Variants in CCDC102B observed in about 807,000 individuals in gnomAD.
CCDC102B encodes coiled-coil domain-containing protein 102B.
CCDC102B carries 75 observed loss-of-function variants against 57.4 expected under a neutral mutation model. That is an observed-to-expected ratio of 1.31 (90% confidence interval 1.08 to 1.58). The LOEUF is 1.58. CCDC102B is among the 40% of genes most tolerant of loss of function. CCDC102B has a pLI of 0.00. For synonymous variants in CCDC102B, 206 were observed against 201.9 expected (o/e 1.02, Z -0.17); for missense variants, 636 against 582.6 (o/e 1.09, Z -0.94).
At chr18:68,942,070 G>C (rs1028742272) in intron 6 of CCDC102B, among the ~76,000 whole-genome samples, 2 of 152,022 alleles carry the variant, frequency 1.3e-5, no homozygotes, top group African/African-American at 4.8e-5. Context: ...AGTCATAATG[G>C]AATAAATTTT....
At chr18:68,975,445 A>G (rs1249646540) in intron 6 of CCDC102B, among the ~76,000 whole-genome samples, 1 of 152,088 alleles carries the variant, frequency 6.6e-6, no homozygotes, top group African/African-American at 2.4e-5. Flanking sequence ...TACAAGCTAT[A>G]AAAATGTTTG....
chr18:69,038,035 C>A (rs1252673361), intron 7 of CCDC102B, among the ~76,000 whole-genome samples: 2 of 151,918 alleles, frequency 1.3e-5, no homozygotes, highest in African/African-American at 2.4e-5. Flanking sequence ...TATAAAATAT[C>A]AGAATGTTTA....
At chr18:68,957,968 G>A (rs1387812505) in intron 6 of CCDC102B, among the ~76,000 whole-genome samples, 1 of 152,078 alleles carries the variant, frequency 6.6e-6, no homozygotes, top group East Asian at 1.9e-4. Flanking sequence ...CCCAAGATGG[G>A]GCAATTTACA....
intron 5 of CCDC102B, among the ~76,000 whole-genome samples, chr18:68,884,194 T>A (rs995585911): frequency 1.3e-5 from 2 of 152,136 alleles, no homozygotes; most frequent in Non-Finnish European, 2.9e-5. Flanking sequence ...AAACACCACC[T>A]TGTTAAGATA....
At chr18:68,723,370 C>T (rs1016848146) in intron 2 of CCDC102B, among the ~76,000 whole-genome samples, 1 of 152,130 alleles carries the variant, frequency 6.6e-6, no homozygotes, top group Non-Finnish European at 1.5e-5. Context: ...CATGCCTTTC[C>T]CACAGCCCCC....
At chr18:68,873,248 C>T (rs1014258705) in intron 4 of CCDC102B, among the ~76,000 whole-genome samples, 1 of 152,092 alleles carries the variant, frequency 6.6e-6, no homozygotes, top group Non-Finnish European at 1.5e-5. Flanking sequence ...TCCTTGCCTT[C>T]TGTGTGCTCT....
At chr18:68,808,468 CTTTTTTTTTTT>C (rs1157601164) in intron 1 of CCDC102B, among the ~76,000 whole-genome samples, 3 of 91,786 alleles carry the variant, frequency 3.3e-5, no homozygotes, top group African/African-American at 1.3e-4. Context: ...GCTTTTACTA[CTTTTTTTTTTT>C]TTTTTTTTTT....
intron 2 of CCDC102B, among the ~76,000 whole-genome samples, chr18:68,782,291 C>A (rs1353796059): frequency 6.6e-6 from 1 of 151,982 alleles, no homozygotes; most frequent in East Asian, 1.9e-4. Context: ...AACCTATACA[C>A]CTCTTTGTCC....
intron 2 of CCDC102B, among the ~76,000 whole-genome samples, chr18:68,746,851 C>A (rs919927663): frequency 6.6e-6 from 1 of 151,760 alleles, no homozygotes; most frequent in Non-Finnish European, 1.5e-5. Context: ...AATATCATTA[C>A]CACGATCAAG....
intron 5 of CCDC102B, among the ~76,000 whole-genome samples, chr18:68,894,967 C>A (rs954601776): frequency 2.0e-5 from 3 of 151,854 alleles, no homozygotes; most frequent in Non-Finnish European, 4.4e-5. Context: ...TGCAAGTTCA[C>A]AAAGACTTGA....
rs369175771 is a variant in CCDC102B, at chr18:68,826,604, G to A, written c.-15-10145G>A. 2.9e-3 allele frequency among the ~76,000 whole-genome samples: 440 copies of A among 152,166 alleles called. 2 individuals are homozygous for A. Among genetic ancestry groups the A allele is most frequent in the Middle Eastern group, 6.8e-3 (2 of 294 alleles). On this transcript the variant is annotated intron_variant, in intron 1 of 7. Transcript: ENST00000360242. ...AGACAAGGCTGTGAATACCAAAAGA[G>A]GGGATAAGTGAGGGACATTTTAGAA... is the stretch of plus-strand genomic sequence containing the variant.
At chr18:69,023,558 G>A (rs2051905519) in intron 7 of CCDC102B, among the ~76,000 whole-genome samples, 1 of 151,450 alleles carries the variant, frequency 6.6e-6, no homozygotes, top group Non-Finnish European at 1.5e-5. Context: ...ATTTATTAAT[G>A]TGAATAATAA....
intron 6 of CCDC102B, among the ~76,000 whole-genome samples, chr18:68,995,457 T>A (rs1029022359): frequency 2.6e-5 from 4 of 152,080 alleles, no homozygotes; most frequent in Non-Finnish European, 4.4e-5. Context: ...CTTGTTGCTT[T>A]GTGCAGTCTT....
chr18:68,819,922 G>C (rs1009049162), intron 1 of CCDC102B, among the ~76,000 whole-genome samples: 3 of 151,920 alleles, frequency 2.0e-5, no homozygotes, highest in African/African-American at 7.2e-5. Context: ...TGTGTATATT[G>C]ACTTTAGATC....
At chr18:68,954,032 G>T (rs1386034242) in intron 6 of CCDC102B, among the ~76,000 whole-genome samples, 2 of 151,674 alleles carry the variant, frequency 1.3e-5, no homozygotes, top group African/African-American at 2.4e-5. Context: ...TATAGGGGAA[G>T]AAAATTTTAG....
At chr18:68,898,444 G>A (rs539808679) in intron 6 of CCDC102B, among the ~76,000 whole-genome samples, 24 of 152,040 alleles carry the variant, frequency 1.6e-4, no homozygotes, top group African/African-American at 4.6e-4. Flanking sequence ...GTTATAGTCC[G>A]TGACCATAAT....
intron 7 of CCDC102B, among the ~76,000 whole-genome samples, chr18:69,026,710 A>G (rs538232196): frequency 1.3e-5 from 2 of 152,166 alleles, no homozygotes; most frequent in Admixed American, 6.5e-5. Flanking sequence ...GAATCAGTTA[A>G]GTTCTCCAAG....
chr18:68,749,786 T>A (rs952625456), intron 2 of CCDC102B, among the ~76,000 whole-genome samples: 3 of 152,066 alleles, frequency 2.0e-5, no homozygotes, highest in Admixed American at 6.6e-5. Flanking sequence ...CCTGCCTGAT[T>A]GCCCTGGTCA....
chr18:68,844,457 A>G (rs971359962), intron 3 of CCDC102B, among the ~76,000 whole-genome samples: 1 of 151,756 alleles, frequency 6.6e-6, no homozygotes, highest in African/African-American at 2.4e-5. Flanking sequence ...ACATTCCCAC[A>G]TCCTACACAA....
Sources: allele counts gnomAD v4.1 joint callset (sites outside exome capture counted in the v4.1 genomes callset), GRCh38; gene constraint gnomAD v4.1.1; transcripts MANE v1.5; gene names NCBI Gene and HGNC (gene_info 2026-07-23, HGNC 2026-07-21).